Variants in GPR158 observed in about 807,000 individuals in gnomAD.
The protein encoded by GPR158 is metabotropic glycine receptor.
GPR158 carries 30 observed loss-of-function variants against 78.2 expected under a neutral mutation model. The ratio of observed to expected loss-of-function variants is 0.38; its 90% CI spans 0.29 to 0.52. The LOEUF is 0.52. Among genes scored for constraint, GPR158 ranks in the 20% least tolerant of loss-of-function variants. GPR158 has a pLI of 0.83. For synonymous variants in GPR158, 581 were observed against 591.1 expected (o/e 0.98, Z 0.25); for missense variants, 1,463 against 1,523.5 (o/e 0.96, Z 0.66).
chr10:25,288,930 C>A (rs1253064224), intron 2 of GPR158, among the ~76,000 whole-genome samples: 1 of 152,124 alleles, frequency 6.6e-6, no homozygotes, highest in Non-Finnish European at 1.5e-5. Context: ...AATTTATATA[C>A]CCCTTAAGGG....
At chr10:25,304,812 A>T (rs1160477607) in intron 2 of GPR158, among the ~76,000 whole-genome samples, 2 of 152,276 alleles carry the variant, frequency 1.3e-5, no homozygotes, top group South Asian at 2.1e-4. Context: ...GAGTCACAGG[A>T]CTATATATAA....
chr10:25,529,190 C>G (rs557773277), intron 5 of GPR158, among the ~76,000 whole-genome samples: 2 of 151,928 alleles, frequency 1.3e-5, no homozygotes, highest in South Asian at 2.1e-4. Context: ...AGATCCAGAC[C>G]GTCCTGCTAA....
At chr10:25,399,920 G>T (rs921851740) in intron 3 of GPR158, among the ~76,000 whole-genome samples, 1 of 152,114 alleles carries the variant, frequency 6.6e-6, no homozygotes, top group Non-Finnish European at 1.5e-5. Flanking sequence ...ACCACATGTA[G>T]CCCTTGAACC....
chr10:25,253,700 A>ATATG, intron 2 of GPR158, among the ~76,000 whole-genome samples: 1 of 152,290 alleles, frequency 6.6e-6, no homozygotes, highest in East Asian at 1.9e-4. Context: ...TTATATATAT[A>ATATG]TATATCACAC....
chr10:25,379,982 T>A (rs1243593976), intron 2 of GPR158, among the ~76,000 whole-genome samples: 1 of 152,100 alleles, frequency 6.6e-6, no homozygotes, highest in African/African-American at 2.4e-5. Context: ...TTTTCTTTTT[T>A]CTTTTGTATT....
chr10:25,456,025 A>G (rs77280332), intron 4 of GPR158, among the ~76,000 whole-genome samples: 9,911 of 152,180 alleles, frequency 0.065, 970 homozygotes, highest in African/African-American at 0.21. Context: ...TAGAGACTGA[A>G]TTTTAAATTC....
intron 2 of GPR158, among the ~76,000 whole-genome samples, chr10:25,251,255 G>A (rs1241543667): frequency 6.6e-6 from 1 of 152,048 alleles, no homozygotes; most frequent in Non-Finnish European, 1.5e-5. Context: ...GATGGGTCTT[G>A]ACTCTTTATC....
chr10:25,387,513 C>CA (rs1163403126), intron 2 of GPR158, among the ~76,000 whole-genome samples: 9 of 95,064 alleles, frequency 9.5e-5, no homozygotes, highest in Admixed American at 5.1e-4. Context: ...CCTTTCTCTT[C>CA]AAATTTTTTT....
At chr10:25,576,706 G>A (rs908885860) in intron 7 of GPR158, among the ~76,000 whole-genome samples, 4 of 152,096 alleles carry the variant, frequency 2.6e-5, no homozygotes, top group Admixed American at 1.3e-4. Context: ...ATTGATTATA[G>A]TGGTAGGATC....
At chr10:25,195,304 C>G (rs1264959436) in intron 1 of GPR158, among the ~76,000 whole-genome samples, 1 of 151,860 alleles carries the variant, frequency 6.6e-6, no homozygotes, top group Non-Finnish European at 1.5e-5. Flanking sequence ...CTCCTGGGTT[C>G]AAGCAAGTCT....
At chr10:25,315,403 G>A (rs1331486329) in intron 2 of GPR158, among the ~76,000 whole-genome samples, 2 of 151,988 alleles carry the variant, frequency 1.3e-5, no homozygotes, top group Non-Finnish European at 2.9e-5. Context: ...AGTCTACTTT[G>A]ATAGCAAGAT....
chr10:25,493,126 A>T (rs1835833883), intron 5 of GPR158, among the ~76,000 whole-genome samples: 1 of 152,124 alleles, frequency 6.6e-6, no homozygotes, highest in South Asian at 2.1e-4. Context: ...GCCTTTCACG[A>T]GAAGAGAGTT....
chr10:25,480,917 G>A (rs824609), intron 5 of GPR158, among the ~76,000 whole-genome samples: 67,520 of 151,956 alleles, frequency 0.44, 16,103 homozygotes, highest in East Asian at 0.8. Flanking sequence ...TCAGGTATTA[G>A]TACTGGAAGA....
rs1834131023 is a variant in GPR158 at position 25,379,836 on chromosome 10, T to C, written c.1009-16075T>C. On this transcript the variant is annotated intron_variant, in intron 2 of 10. Transcript: ENST00000376351. ...CTCAGTCTTCCCCCAGTGCTTCATA[T>C]CATGAAATACTCGGTTTAATACAGA... Among the ~76,000 whole-genome samples, 3 of 152,062 alleles carry C rather than the reference T, an allele frequency of 2.0e-5. No individual in the cohort carries two copies. In the South Asian group the frequency reaches 6.2e-4, roughly 32 times the overall value.
At chr10:25,543,574 A>T (rs1836618997) in intron 5 of GPR158, among the ~76,000 whole-genome samples, 1 of 152,140 alleles carries the variant, frequency 6.6e-6, no homozygotes, top group South Asian at 2.1e-4. Flanking sequence ...CCATCACTTA[A>T]ATAACGTTTG....
chr10:25,338,467 TA>T (rs1855248646), intron 2 of GPR158, among the ~76,000 whole-genome samples: 1 of 136,332 alleles, frequency 7.3e-6, no homozygotes, highest in Non-Finnish European at 1.5e-5. Flanking sequence ...ATATTACGTA[TA>T]TTATACGTAT....
At chr10:25,186,487 A>C (rs182483214) in intron 1 of GPR158, among the ~76,000 whole-genome samples, 16 of 152,308 alleles carry the variant, frequency 1.1e-4, no homozygotes, top group Middle Eastern at 3.4e-3. Context: ...AAGACTAATA[A>C]AGAAGAAAAG....
chr10:25,221,118 G>T lies in GPR158; in HGVS notation c.969G>T (p.Trp323Cys). 6.2e-7 allele frequency: 1 copy of T among 1,603,070 alleles called. No individual in the cohort carries two copies. The highest frequency in any genetic ancestry group is 8.5e-7 in the Non-Finnish European group (1 of 1,170,852). ...VDIDQCSSDG[W>C]FSGTHKCHLN... ...TTGACCAATGCTCAAGTGATGGCTGGTTTTCAGGAACTCATAAATGCCACC... is the reference window on the plus strand; with the variant it reads ...TTGACCAATGCTCAAGTGATGGCTGTTTTTCAGGAACTCATAAATGCCACC... The change falls in exon 2 of 11, where the codon TGG (tryptophan) becomes TGT (cysteine). Residue 323 changes from tryptophan (W) to cysteine (C), a missense_variant. Coordinates refer to ENST00000376351, the MANE Select transcript of GPR158 (RefSeq NM_020752.3).
intron 5 of GPR158, among the ~76,000 whole-genome samples, chr10:25,515,116 T>A (rs1485621689): frequency 6.6e-6 from 1 of 152,028 alleles, no homozygotes; most frequent in Non-Finnish European, 1.5e-5. Flanking sequence ...TTTTCCAAAC[T>A]TTTCTTCCTT....
Sources: allele counts gnomAD v4.1 joint callset (sites outside exome capture counted in the v4.1 genomes callset), GRCh38; gene constraint gnomAD v4.1.1; transcripts MANE v1.5; gene names NCBI Gene and HGNC (gene_info 2026-07-23, HGNC 2026-07-21).